Variants in LRRTM3 observed in about 807,000 individuals in gnomAD.
LRRTM3 encodes leucine-rich repeat transmembrane neuronal protein 3.
A neutral mutation model predicts 44.7 loss-of-function variants in LRRTM3; 24 were observed. The ratio of observed to expected loss-of-function variants is 0.54; its 90% CI spans 0.39 to 0.76. LRRTM3 has a LOEUF of 0.76. Ranked by LOEUF, LRRTM3 falls within the 30% of genes least tolerant of loss-of-function variation. The pLI is 0.00. For missense variants in LRRTM3, 587 were observed against 702.2 expected, an observed-to-expected ratio of 0.84 and a Z score of 1.85; for synonymous variants, 277 against 278.7, an observed-to-expected ratio of 0.99 and a Z score of 0.06.
At chr10:67,025,164 G>A (rs1589621736) in intron 2 of LRRTM3, among the ~76,000 whole-genome samples, 1 of 147,694 alleles carries the variant, frequency 6.8e-6, no homozygotes. Flanking sequence ...AAGGAAGGAA[G>A]GAAGGAAGGA....
chr10:66,929,864 ATATT>A (rs1847274293), intron 2 of LRRTM3, among the ~76,000 whole-genome samples: 1 of 152,198 alleles, frequency 6.6e-6, no homozygotes, highest in Admixed American at 6.5e-5. Flanking sequence ...TTAGAAAGAT[ATATT>A]TAGTCTGTAT....
At chr10:66,997,794 C>A (rs1268329803) in intron 2 of LRRTM3, among the ~76,000 whole-genome samples, 1 of 152,160 alleles carries the variant, frequency 6.6e-6, no homozygotes, top group Non-Finnish European at 1.5e-5. Context: ...ATTTCCTATT[C>A]TCTTCTTAAT....
chr10:67,004,925 T>A (rs185109583), intron 2 of LRRTM3, among the ~76,000 whole-genome samples: 6 of 152,156 alleles, frequency 3.9e-5, no homozygotes, highest in African/African-American at 1.4e-4. Context: ...AGAACAGATT[T>A]TGTTGTTAGG....
intron 2 of LRRTM3, among the ~76,000 whole-genome samples, chr10:67,006,085 A>G (rs1455760521): frequency 1.3e-5 from 2 of 152,132 alleles, no homozygotes; most frequent in Non-Finnish European, 2.9e-5. Context: ...TGAACAGTAC[A>G]GTGCCAGGTA....
chr10:66,942,683 C>T (rs1232458528), intron 2 of LRRTM3, among the ~76,000 whole-genome samples: 2 of 151,748 alleles, frequency 1.3e-5, no homozygotes, highest in African/African-American at 4.8e-5. Context: ...CTTTCTCTAC[C>T]CCAAACATGG....
chr10:66,928,412 G>A lies in LRRTM3; in HGVS notation c.1496G>A (p.Gly499Glu). ...ETSEMLLNGT[G>E]PCTYNKSGSR... ...AGCGAGATGCTGCTGAATGGGACGG[G>A]ACCCTGCACCTATAACAAATCGGGC... The change falls in exon 2 of 3, where the codon GGA (glycine) becomes GAA (glutamate). Residue 499 changes from glycine (G) to glutamate (E), a missense_variant. This residue lies in a region of LRRTM3 where 315 missense variants were observed against 335.6 expected (regional missense o/e 0.94). Transcript: ENST00000361320. 1.2e-6 allele frequency: 2 copies of A among 1,613,208 alleles called. No individual in the cohort carries two copies. The highest frequency in any genetic ancestry group is 1.7e-6 in the Non-Finnish European group (2 of 1,179,738).
chr10:66,960,064 C>T (rs1226093648), intron 2 of LRRTM3, among the ~76,000 whole-genome samples: 1 of 152,066 alleles, frequency 6.6e-6, no homozygotes, highest in Non-Finnish European at 1.5e-5. Flanking sequence ...ACCCTCATAG[C>T]TATTTGAAAT....
intron 2 of LRRTM3, among the ~76,000 whole-genome samples, chr10:66,994,968 G>A (rs769419206): frequency 5.3e-5 from 8 of 152,110 alleles, no homozygotes; most frequent in Non-Finnish European, 1.2e-4. Context: ...CTCTCCACAA[G>A]GTCTATCTTC....
intron 2 of LRRTM3, among the ~76,000 whole-genome samples, chr10:66,957,429 C>CATATATATATGCAT (rs1848871534): frequency 7.3e-5 from 2 of 27,234 alleles, no homozygotes; most frequent in Non-Finnish European, 1.4e-4. Context: ...TATATATATG[C>CATATATATATGCAT]ATATATATAT....
chr10:66,960,667 C>T (rs2132768799), intron 2 of LRRTM3, among the ~76,000 whole-genome samples: 1 of 152,250 alleles, frequency 6.6e-6, no homozygotes, highest in East Asian at 1.9e-4. Flanking sequence ...TTGGAAGGTT[C>T]ATTTAAATTT....
chr10:66,941,612 A>C (rs1240064576), intron 2 of LRRTM3, among the ~76,000 whole-genome samples: 3 of 152,204 alleles, frequency 2.0e-5, no homozygotes, highest in African/African-American at 4.8e-5. Flanking sequence ...TTTGTCAAAT[A>C]AACTGCAGAA....
At chr10:66,930,925 A>G (rs1206464550) in intron 2 of LRRTM3, among the ~76,000 whole-genome samples, 2 of 152,134 alleles carry the variant, frequency 1.3e-5, no homozygotes, top group Non-Finnish European at 2.9e-5. Context: ...ATCTTCTGTA[A>G]TTCTCAGTAT....
intron 2 of LRRTM3, among the ~76,000 whole-genome samples, chr10:67,047,001 G>A (rs1854795582): frequency 6.6e-6 from 1 of 152,306 alleles, no homozygotes; most frequent in South Asian, 2.1e-4. Context: ...ATAGTCTAAT[G>A]TTTGCAATAT....
At chr10:66,943,147 G>C (rs1848099826) in intron 2 of LRRTM3, among the ~76,000 whole-genome samples, 1 of 152,144 alleles carries the variant, frequency 6.6e-6, no homozygotes, top group Non-Finnish European at 1.5e-5. Context: ...TCCTTCACTG[G>C]AGACATGAAA....
At chr10:67,030,929 G>A (rs187184089) in intron 2 of LRRTM3, among the ~76,000 whole-genome samples, 185 of 152,230 alleles carry the variant, frequency 1.2e-3, no homozygotes, top group African/African-American at 4.1e-3. Context: ...GCTTGAACCC[G>A]AGAGGTGGAG....
intron 2 of LRRTM3, among the ~76,000 whole-genome samples, chr10:67,068,055 C>T (rs559754335): frequency 2.6e-5 from 4 of 152,256 alleles, no homozygotes; most frequent in African/African-American, 9.6e-5. Flanking sequence ...GAAATAAATG[C>T]CGGGTTCATT....
intron 2 of LRRTM3, among the ~76,000 whole-genome samples, chr10:67,000,254 T>C (rs142164993): frequency 2.2e-4 from 34 of 152,246 alleles, no homozygotes; most frequent in African/African-American, 7.2e-4. Flanking sequence ...GTAAAACCAT[T>C]TGGAATAGAT....
rs59965574 is a variant in LRRTM3 at position 66,993,263 on chromosome 10, A to G, written c.1536+64811A>G. Reference sequence around the variant, plus strand: ...CATGATAGGTGGGATCCAAGAAGAAATATTACAAAAAGCAAAGGCAGAAAT... The same window carrying G: ...CATGATAGGTGGGATCCAAGAAGAAGTATTACAAAAAGCAAAGGCAGAAAT... On this transcript the variant is annotated intron_variant, in intron 2 of 2. Transcript: ENST00000361320. Among the ~76,000 whole-genome samples the G allele has an allele frequency of 3.8e-3, 575 of 152,294 alleles. 30 individuals carry two copies. The East Asian group carries it at 0.09, about 24-fold the overall frequency.
chr10:66,962,085 C>T (rs188125677), intron 2 of LRRTM3, among the ~76,000 whole-genome samples: 9 of 152,290 alleles, frequency 5.9e-5, no homozygotes, highest in Admixed American at 1.3e-4. Flanking sequence ...CTTCCACCTT[C>T]ACCTCATCTC....
Sources: allele counts gnomAD v4.1 joint callset (sites outside exome capture counted in the v4.1 genomes callset), GRCh38; gene constraint gnomAD v4.1.1; regional missense constraint gnomAD v4.1.1; transcripts MANE v1.5; gene names NCBI Gene and HGNC (gene_info 2026-07-23, HGNC 2026-07-21).